Variants in RIMS2 observed in about 807,000 individuals in gnomAD.
RIMS2 encodes the protein regulating synaptic membrane exocytosis protein 2.
RIMS2 carries 59 observed loss-of-function variants against 174.4 expected under a neutral mutation model. The observed-to-expected ratio is 0.34, with a 90% CI of 0.27 to 0.42. The LOEUF (loss-of-function observed/expected upper bound fraction) is 0.42. RIMS2 is among the 10% of genes least tolerant of loss of function. The pLI is 1.00. For missense variants in RIMS2, 1,620 were observed against 1,666.3 expected (o/e 0.97, Z 0.48); for synonymous variants, 606 against 572.5 (o/e 1.06, Z -0.84).
At chr8:103,759,863 AGACTAT>A (rs1257008188) in intron 2 of RIMS2, among the ~76,000 whole-genome samples, 1 of 152,202 alleles carries the variant, frequency 6.6e-6, no homozygotes, top group Non-Finnish European at 1.5e-5. Context: ...GAGAAGAATC[AGACTAT>A]CGATTGGATG....
chr8:104,229,874 C>T (rs2099214670), intron 19 of RIMS2, among the ~76,000 whole-genome samples: 1 of 152,358 alleles, frequency 6.6e-6, no homozygotes, highest in East Asian at 1.9e-4. Flanking sequence ...AAATGCATTT[C>T]TGTGGGCAAC....
At chr8:103,779,633 C>T (rs904386127) in intron 3 of RIMS2, among the ~76,000 whole-genome samples, 1 of 151,432 alleles carries the variant, frequency 6.6e-6, no homozygotes, top group Non-Finnish European at 1.5e-5. Context: ...AACCATCATT[C>T]TGAGCAAACT....
At chr8:103,639,130 A>G (rs2096164564) in intron 1 of RIMS2, among the ~76,000 whole-genome samples, 1 of 151,994 alleles carries the variant, frequency 6.6e-6, no homozygotes, top group African/African-American at 2.4e-5. Context: ...CCAGAGTACA[A>G]TGCTTATGTA....
intron 1 of RIMS2, among the ~76,000 whole-genome samples, chr8:103,612,528 A>G (rs1310739047): frequency 6.6e-6 from 1 of 152,188 alleles, no homozygotes; most frequent in Non-Finnish European, 1.5e-5. Flanking sequence ...GTGGCCTTGT[A>G]TAACATCTGG....
At chr8:103,719,641 C>T (rs1447576326) in intron 2 of RIMS2, among the ~76,000 whole-genome samples, 2 of 152,104 alleles carry the variant, frequency 1.3e-5, no homozygotes, top group Non-Finnish European at 2.9e-5. Flanking sequence ...TTCTATTTTA[C>T]ATAGGATCAA....
At chr8:103,591,289 C>G (rs1467743657) in intron 1 of RIMS2, among the ~76,000 whole-genome samples, 1 of 150,736 alleles carries the variant, frequency 6.6e-6, no homozygotes, top group Non-Finnish European at 1.5e-5. Context: ...TTTTTAAGTT[C>G]TGTTTATTCA....
intron 2 of RIMS2, among the ~76,000 whole-genome samples, chr8:103,722,541 G>T (rs2097463954): frequency 6.6e-6 from 1 of 152,116 alleles, no homozygotes; most frequent in Admixed American, 6.6e-5. Context: ...TTGTGTTCCT[G>T]TGAGAATCTA....
intron 1 of RIMS2, among the ~76,000 whole-genome samples, chr8:103,640,301 A>G (rs1371507855): frequency 6.6e-6 from 1 of 151,858 alleles, no homozygotes; most frequent in African/African-American, 2.4e-5. Context: ...CTAGCTAGGA[A>G]TTTATCAATT....
intron 19 of RIMS2, among the ~76,000 whole-genome samples, chr8:104,104,735 A>T (rs1400373552): frequency 6.6e-6 from 1 of 151,990 alleles, no homozygotes; most frequent in Non-Finnish European, 1.5e-5. Flanking sequence ...TACAAAAATT[A>T]GCCAGGCACA....
chr8:103,793,277 A>T (rs1471770280), intron 3 of RIMS2, among the ~76,000 whole-genome samples: 1 of 152,216 alleles, frequency 6.6e-6, no homozygotes, highest in Non-Finnish European at 1.5e-5. Flanking sequence ...CTGGTTCAAC[A>T]TACGCAAATC....
At chr8:103,699,172 C>G (rs1400049949) in intron 2 of RIMS2, among the ~76,000 whole-genome samples, 1 of 152,182 alleles carries the variant, frequency 6.6e-6, no homozygotes, top group Admixed American at 6.5e-5. Context: ...TCCATGGAAT[C>G]TGCATTGATG....
At chr8:103,604,402 C>T (rs1387243974) in intron 1 of RIMS2, among the ~76,000 whole-genome samples, 2 of 152,014 alleles carry the variant, frequency 1.3e-5, no homozygotes, top group African/African-American at 2.4e-5. Context: ...GTTACTATAG[C>T]CTTGTAGTAT....
intron 19 of RIMS2, among the ~76,000 whole-genome samples, chr8:104,058,751 C>T (rs557895589): frequency 0.018 from 2,770 of 152,060 alleles, 39 homozygotes; most frequent in Non-Finnish European, 0.029. Context: ...TTGTATAAGG[C>T]GTAAGGAAGG....
At chr8:104,252,246 G>A (rs181040862), downstream of RIMS2, 117 of 178,068 alleles carry the variant, frequency 6.6e-4, no homozygotes, top group African/African-American at 2.6e-3. Context: ...CAGGTGAGGA[G>A]TGTAATCCTA....
intron 10 of RIMS2, 117 bp downstream of exon 13, chr8:103,921,901 C>T (rs2077741468): frequency 2.2e-6 from 1 of 456,952 alleles, no homozygotes; most frequent in African/African-American, 2.0e-5. Flanking sequence ...TTTTAACCTC[C>T]CACTTTCTCA....
intron 19 of RIMS2, among the ~76,000 whole-genome samples, chr8:104,163,476 T>A (rs1586256883): frequency 6.6e-6 from 1 of 152,180 alleles, no homozygotes; most frequent in African/African-American, 2.4e-5. Flanking sequence ...TCCAATGATA[T>A]ACGAGTTTAT....
At chr8:103,608,284 G>T (rs1425278409) in intron 1 of RIMS2, among the ~76,000 whole-genome samples, 1 of 143,554 alleles carries the variant, frequency 7.0e-6, no homozygotes, top group Non-Finnish European at 1.5e-5. Context: ...TGCCCCTGCT[G>T]GGGGGTGCCT....
rs562525732 is a variant in RIMS2 at position 103,528,186 on chromosome 8, C to G, written c.176+27124C>G. The stretch of plus-strand genomic sequence containing the variant: ...ATATGTCTGTTGGCTGCACAAATGT[C>G]TTCTTTTGAGAAGTGTCTGTTCATG... On this transcript the variant is annotated intron_variant, in intron 1 of 23. Transcript: ENST00000504942. 3.6e-3 allele frequency among the ~76,000 whole-genome samples: 543 copies of G among 151,122 alleles called. 3 individuals are homozygous for G. The highest frequency in any genetic ancestry group is 0.013 in the African/African-American group (524 of 41,230).
chr8:104,187,119 A>G (rs891352914), intron 19 of RIMS2, among the ~76,000 whole-genome samples: 1 of 151,850 alleles, frequency 6.6e-6, no homozygotes, highest in African/African-American at 2.4e-5. Flanking sequence ...GAAGCAGTCA[A>G]CTGGTTGATT....
Sources: gnomAD v4.1 joint callset for allele counts (sites outside exome capture counted in the v4.1 genomes callset) on GRCh38, gnomAD v4.1.1 for gene constraint, MANE v1.5 for transcripts, NCBI Gene and HGNC (gene_info 2026-07-23, HGNC 2026-07-21) for gene names.